Variants in CR1 observed in about 807,000 individuals in gnomAD.
The protein encoded by CR1 is complement receptor type 1.
Under a neutral mutation model 187.3 loss-of-function variants are expected in CR1, and 116 were observed. The observed-to-expected ratio is 0.62, with a 90% CI of 0.53 to 0.72. CR1 has a LOEUF of 0.72. CR1 is among the 30% of genes least tolerant of loss of function. CR1 has a pLI of 0.00. For synonymous variants in CR1, 576 were observed against 747.1 expected (o/e 0.77, Z 3.73); for missense variants, 1,731 against 2,110.7 (o/e 0.82, Z 3.52).
Position 207,597,072 on chromosome 1 carries a change from CAT to C in CR1, c.5810+8299_5810+8300del, listed in dbSNP as rs1661468161. On this transcript the variant is annotated intron_variant, in intron 35 of 46. Transcript: ENST00000367049. ...AAAATATTGATATAAATTTTATTTA[CAT>C]GATATACAATATTTAAATATAACAT... is the stretch of plus-strand genomic sequence containing the variant. Among the ~76,000 whole-genome samples, 3 of 147,898 alleles carry C rather than the reference CAT, an allele frequency of 2.0e-5. No homozygotes were observed. In the South Asian group the frequency reaches 6.3e-4, roughly 31 times the overall value.
intron 27 of CR1, among the ~76,000 whole-genome samples, chr1:207,574,953 A>T (rs2102334025): frequency 6.6e-6 from 1 of 152,310 alleles, no homozygotes; most frequent in East Asian, 1.9e-4. Context: ...TTCCACCAGA[A>T]ATAAGCCCCC....
rs528088457 is a variant in CR1 at position 207,612,839 on chromosome 1, G to A, written c.6575+798G>A. Among the ~76,000 whole-genome samples, 14 of 152,338 alleles carry A rather than the reference G, an allele frequency of 9.2e-5. No homozygotes were observed. In the South Asian group the frequency reaches 2.7e-3, roughly 29 times the overall value. ...CCAGGCATGTCGCACTGAAGGGAAC[G>A]TGGTGGTGCCCAAACAGGGGTGCCC... is the stretch of plus-strand genomic sequence containing the variant. On this transcript the variant is annotated intron_variant, in intron 39 of 46. Coordinates refer to ENST00000367049, the MANE Select transcript of CR1 (RefSeq NM_000651.6).
At chr1:207,621,608 A>G (rs925835418) in intron 43 of CR1, among the ~76,000 whole-genome samples, 1 of 152,210 alleles carries the variant, frequency 6.6e-6, no homozygotes, top group African/African-American at 2.4e-5. Flanking sequence ...AGATTATGTT[A>G]GTTTGCCTTT....
chr1:207,581,156 A>C (rs182977791), intron 31 of CR1, among the ~76,000 whole-genome samples: 1 of 152,262 alleles, frequency 6.6e-6, no homozygotes. Context: ...ATGTATACGT[A>C]TACATGTACA....
intron 28 of CR1, among the ~76,000 whole-genome samples, 175 bp from the exon 29 acceptor site, chr1:207,577,630 C>T (rs1302620122): frequency 6.6e-6 from 1 of 151,904 alleles, no homozygotes; most frequent in Admixed American, 6.6e-5. Context: ...ATAAACCAGA[C>T]ATGGTGGTGC....
chr1:207,598,457 G>A (rs1024179095), intron 35 of CR1, among the ~76,000 whole-genome samples: 3 of 148,954 alleles, frequency 2.0e-5, no homozygotes, highest in African/African-American at 5.0e-5. Flanking sequence ...GTCTCGCTCT[G>A]TCACCAGGCT....
At position 207,565,898 on chromosome 1, in the gene CR1, G is replaced by C. The variant is rs1240057615; in HGVS notation, c.3927G>C (p.Trp1309Cys). ...TCTTGGCTGGAATGGAAAGCCTTTGGAATAGCAGTGTTCCAGTGTGTGAAC... is the reference window on the plus strand; with the variant it reads ...TCTTGGCTGGAATGGAAAGCCTTTGCAATAGCAGTGTTCCAGTGTGTGAAC... Reference protein sequence around the residue: ...YCVLAGMESLWNSSVPVCEQI... With the variant: ...YCVLAGMESLCNSSVPVCEQI... Residue 1309 changes from tryptophan to cysteine, a missense_variant, in exon 24 of 47, where the codon TGG (tryptophan) becomes TGC (cysteine). Physicochemically the swap from Trp to Cys is radical, Grantham distance 215. This residue lies in a region of CR1 where 1,312 missense variants were observed against 1,379.6 expected (regional missense o/e 0.95). Coordinates refer to ENST00000367049, the MANE Select transcript of CR1 (RefSeq NM_000651.6). 2 of 1,610,930 alleles carry C rather than the reference G, an allele frequency of 1.2e-6. No individual in the cohort carries two copies. Among genetic ancestry groups the C allele is most frequent in the Non-Finnish European group, 1.7e-6 (2 of 1,179,762 alleles).
intron 11 of CR1, among the ~76,000 whole-genome samples, chr1:207,538,122 A>C (rs1334531714): frequency 1.1e-4 from 2 of 18,586 alleles, no homozygotes; most frequent in Admixed American, 6.4e-4. Flanking sequence ...ATATATATAT[A>C]TCACAATGAA....
rs754796667 is a variant in CR1 at position 207,581,971 on chromosome 1, G to C, written c.5270G>C (p.Ser1757Thr). 3.7e-6 allele frequency: 6 copies of C among 1,613,172 alleles called. No homozygotes were observed. Among genetic ancestry groups the C allele is most frequent in the Admixed American group, 1.7e-5 (1 of 59,988 alleles). The change falls in exon 32 of 47, where the codon AGC becomes ACC. Residue 1757 changes from serine (S) to threonine (T), a missense_variant. Physicochemically the swap from Ser to Thr is moderately conservative, Grantham distance 58 (BLOSUM62 1). Transcript: ENST00000367049. ...CATTGTGTCTTGGTTGGAATGAGAAGCCTTTGGAATAACAGTGTTCCTGTG... is the reference window on the plus strand; with the variant it reads ...CATTGTGTCTTGGTTGGAATGAGAACCCTTTGGAATAACAGTGTTCCTGTG... ...VSHCVLVGMR[S>T]LWNNSVPVCE...
At chr1:207,617,298 G>T (rs999823282) in intron 41 of CR1, among the ~76,000 whole-genome samples, 9 of 150,938 alleles carry the variant, frequency 6.0e-5, no homozygotes, top group African/African-American at 2.2e-4. Flanking sequence ...CCAAGGGTTT[G>T]TTCAAGCCAC....
chr1:207,506,813 G>C lies in CR1; in HGVS notation c.401G>C (p.Gly134Ala). ...CAAATTAAATATTCTTGTACTAAAG[G>C]GTGAGTTGGCATCTCTTGAACCAAC... ...GSQIKYSCTK[G>A]YRLIGSSSAT... The change falls in exon 3 of 47, where the codon GGA becomes GCA. Residue 134 changes from glycine (G) to alanine (A), a missense_variant and splice_region_variant. Around this residue, in one of 5 missense-constraint regions of CR1, gnomAD observed 237 missense variants for 240.4 expected, o/e 0.99. Transcript: ENST00000367049. The C allele has an allele frequency of 3.7e-6, 6 of 1,610,698 alleles. No individual in the cohort carries two copies. Among genetic ancestry groups the C allele is most frequent in the Non-Finnish European group, 5.1e-6 (6 of 1,177,416 alleles).
At chr1:207,592,621 AG>A (rs1378280392) in intron 35 of CR1, among the ~76,000 whole-genome samples, 3 of 152,212 alleles carry the variant, frequency 2.0e-5, no homozygotes, top group East Asian at 1.9e-4. Context: ...AAAGGAATAA[AG>A]GGTATTCAAA....
intron 35 of CR1, among the ~76,000 whole-genome samples, chr1:207,603,019 A>G (rs187366246): frequency 1.3e-5 from 2 of 152,150 alleles, no homozygotes; most frequent in Non-Finnish European, 2.9e-5. Context: ...ATAATATTTT[A>G]TTTAAAAGAT....
intron 24 of CR1, 89 bp from the exon 25 acceptor site, chr1:207,567,735 T>C (rs1204599797): frequency 1.2e-5 from 18 of 1,505,742 alleles, no homozygotes; most frequent in Non-Finnish European, 1.6e-5. Context: ...TAGCATATTT[T>C]CAGCAACACC....
chr1:207,608,080 T>C (rs1338660446), intron 36 of CR1, among the ~76,000 whole-genome samples: 1 of 152,166 alleles, frequency 6.6e-6, no homozygotes, highest in African/African-American at 2.4e-5. Flanking sequence ...AAAATAATCA[T>C]GAAATAGTCC....
Position 207,567,871 on chromosome 1 carries a change from G to T in CR1, c.4000G>T (p.Gly1334Ter). The T allele has an allele frequency of 6.2e-7, 1 of 1,610,972 alleles. No homozygotes were observed. The highest frequency in any genetic ancestry group is 1.7e-5 in the Admixed American group (1 of 59,976). ...AGTTATTCCTAATGGGAGACACACA[G>T]GAAAACCTCTGGAAGTCTTTCCCTT... is the stretch of plus-strand genomic sequence containing the variant. ...PPVIPNGRHT[G>*]KPLEVFPFGK... Residue 1334 changes from glycine to a stop codon, truncating the protein, a stop_gained, in exon 25 of 47, where the codon GGA becomes TGA. Transcript: ENST00000367049. LOFTEE classifies it high-confidence loss of function.
chr1:207,608,701 A>C (rs1025543693), intron 36 of CR1, among the ~76,000 whole-genome samples: 3 of 152,196 alleles, frequency 2.0e-5, no homozygotes, highest in African/African-American at 7.2e-5. Context: ...TTATAAAAAA[A>C]TTTCCACTTC....
At chr1:207,576,022 C>G (rs1222063075) in intron 28 of CR1, among the ~76,000 whole-genome samples, 1 of 152,194 alleles carries the variant, frequency 6.6e-6, no homozygotes, top group African/African-American at 2.4e-5. Context: ...ACCCCATATC[C>G]TCTCTGCAAG....
At chr1:207,614,138 T>C in intron 39 of CR1, among the ~76,000 whole-genome samples, 1 of 152,208 alleles carries the variant, frequency 6.6e-6, no homozygotes. Context: ...ATGAAGTTTA[T>C]ATGGCAATTA....
Sources: gnomAD v4.1 joint callset for allele counts (sites outside exome capture counted in the v4.1 genomes callset) on GRCh38, gnomAD v4.1.1 for gene constraint, gnomAD v4.1.1 regional missense constraint, MANE v1.5 for transcripts, NCBI Gene and HGNC (gene_info 2026-07-23, HGNC 2026-07-21) for gene names.